CFAP100: variants seen among roughly 807,000 people sequenced by gnomAD.
CFAP100 encodes cilia and flagella associated protein 100, also known as cilia- and flagella-associated protein 100.
CFAP100 carries 70 observed loss-of-function variants against 81.5 expected under a neutral mutation model. That is an observed-to-expected ratio of 0.86 (90% CI 0.71 to 1.05). The LOEUF is 1.05. Among genes scored for constraint, CFAP100 ranks in the 50% least tolerant of loss-of-function variants. The pLI, the probability that CFAP100 is intolerant of heterozygous loss-of-function variation, is 0.00. For synonymous variants in CFAP100, 341 were observed against 314.8 expected (o/e 1.08, Z -0.88); for missense variants, 811 against 776.5 (o/e 1.04, Z -0.53).
At chr3:126,417,088 C>A (rs1359574260) in intron 5 of CFAP100, among the ~76,000 whole-genome samples, 4 of 152,134 alleles carry the variant, frequency 2.6e-5, no homozygotes, top group Non-Finnish European at 4.4e-5. Flanking sequence ...GGCTGCACAG[C>A]GTAGAAGTGG....
chr3:126,413,829 G>A (rs1204316145), intron 3 of CFAP100, among the ~76,000 whole-genome samples: 1 of 152,260 alleles, frequency 6.6e-6, no homozygotes, highest in Admixed American at 6.5e-5. Context: ...AGACGTGTGA[G>A]ACAAGGCTGT....
At chr3:126,430,512 T>G (rs771097318) in intron 13 of CFAP100, among the ~76,000 whole-genome samples, 14 of 152,092 alleles carry the variant, frequency 9.2e-5, no homozygotes, top group Non-Finnish European at 1.8e-4. Context: ...AAATAAAAAA[T>G]ACTTTGCCCT....
At chr3:126,432,780 A>G in intron 13 of CFAP100, 1 of 270,164 alleles carries the variant, frequency 3.7e-6, no homozygotes, top group Non-Finnish European at 7.0e-6. Context: ...TATATAAAAA[A>G]TTACTGACTT....
intron 2 of CFAP100, among the ~76,000 whole-genome samples, chr3:126,400,220 A>G (rs2107582793): frequency 6.6e-6 from 1 of 152,362 alleles, no homozygotes; most frequent in East Asian, 1.9e-4. Context: ...AAGGACTTGA[A>G]TAGATAATTC....
chr3:126,411,361 G>GTTTT (rs58954079), intron 3 of CFAP100, among the ~76,000 whole-genome samples: 2,088 of 35,384 alleles, frequency 0.059, 582 homozygotes, highest in Middle Eastern at 0.11. Flanking sequence ...GTTGTTGTTG[G>GTTTT]TTTTTTTTTT....
chr3:126,400,947 A>G (rs180919610), intron 2 of CFAP100, among the ~76,000 whole-genome samples: 2 of 152,252 alleles, frequency 1.3e-5, no homozygotes, highest in African/African-American at 4.8e-5. Flanking sequence ...GTATCCATCA[A>G]TGGAGGAACA....
intron 2 of CFAP100, among the ~76,000 whole-genome samples, chr3:126,401,798 CA>C (rs2082987981): frequency 6.6e-6 from 1 of 152,086 alleles, no homozygotes; most frequent in South Asian, 2.1e-4. Context: ...ACATCCCTGC[CA>C]AACCCTGGTC....
intron 13 of CFAP100, among the ~76,000 whole-genome samples, chr3:126,427,962 C>A (rs1232242586): frequency 1.3e-5 from 2 of 152,168 alleles, no homozygotes; most frequent in Admixed American, 1.3e-4. Flanking sequence ...ACAACCAGAT[C>A]TCATGAGAAG....
intron 3 of CFAP100, among the ~76,000 whole-genome samples, chr3:126,409,040 C>G (rs745423297): frequency 1.3e-5 from 2 of 152,198 alleles, no homozygotes; most frequent in African/African-American, 4.8e-5. Flanking sequence ...GCTTCAGCCT[C>G]GGCCTCCCAA....
intron 2 of CFAP100, among the ~76,000 whole-genome samples, chr3:126,402,928 G>C (rs1447145898): frequency 6.6e-6 from 1 of 152,052 alleles, no homozygotes; most frequent in African/African-American, 2.4e-5. Context: ...GATGGGTCCA[G>C]TGCTCCTCAG....
chr3:126,431,013 C>A (rs571685966), intron 13 of CFAP100, among the ~76,000 whole-genome samples: 38 of 152,276 alleles, frequency 2.5e-4, no homozygotes, highest in Admixed American at 6.5e-4. Flanking sequence ...GCTATCTGCA[C>A]ATTTGAAGAA....
intron 2 of CFAP100, 139 bp downstream of exon 2, chr3:126,396,188 G>A (rs1026855436): frequency 8.9e-6 from 6 of 671,644 alleles, no homozygotes; most frequent in African/African-American, 1.8e-5. Context: ...TTGAAACAAG[G>A]CATATGGATT....
chr3:126,415,143 C>T (rs1323170509), intron 4 of CFAP100, among the ~76,000 whole-genome samples: 1 of 152,152 alleles, frequency 6.6e-6, no homozygotes, highest in African/African-American at 2.4e-5. Context: ...CCCAGCCTAG[C>T]TCGAGGCCTC....
chr3:126,425,102 T>C (rs2107613344), intron 13 of CFAP100, among the ~76,000 whole-genome samples: 1 of 152,328 alleles, frequency 6.6e-6, no homozygotes, highest in East Asian at 1.9e-4. Context: ...GAAGATGAGC[T>C]GGGGAGAGGT....
intron 7 of CFAP100, 30 bp from the exon 8 acceptor site, chr3:126,419,046 A>ACCCCCCCCCCCCCCC: frequency 5.4e-6 from 1 of 184,500 alleles, no homozygotes; most frequent in South Asian, 5.8e-5. Flanking sequence ...CCTTGCCCCC[A>ACCCCCCCCCCCCCCC]TCCCTCCTCC....
chr3:126,425,696 A>G (rs1315954971), intron 13 of CFAP100, among the ~76,000 whole-genome samples: 1 of 152,230 alleles, frequency 6.6e-6, no homozygotes. Context: ...ATCCAACAGT[A>G]TAGGAAAAGA....
intron 8 of CFAP100, 75 bp from the exon 9 acceptor site, chr3:126,419,562 G>T: frequency 7.3e-7 from 1 of 1,372,980 alleles, no homozygotes; most frequent in East Asian, 2.3e-5. Flanking sequence ...ATGGAGGGGT[G>T]GCCCCGGCAT....
intron 14 of CFAP100, 193 bp from the exon 15 acceptor site, chr3:126,433,983 C>T (rs899784853): frequency 7.0e-6 from 4 of 573,122 alleles, no homozygotes; most frequent in Non-Finnish European, 9.2e-6. Flanking sequence ...CTCCAGGGGG[C>T]CCGGGGGATA....
Position 126,415,674 on chromosome 3 carries a change from C to T in CFAP100, c.226-642C>T, listed in dbSNP as rs559298872. On this transcript the variant is annotated intron_variant, in intron 4 of 16. Transcript: ENST00000352312. ...AGTCTACGTGAAGAGACTCCCGGGG[C>T]CGGTGCAGAAAAGTGGGAGGGGGTG... Among the ~76,000 whole-genome samples, 10 of 152,272 alleles carry T rather than the reference C, an allele frequency of 6.6e-5. No individual in the cohort carries two copies. The South Asian group carries it at 2.1e-3, about 32-fold the overall frequency.
Sources: allele counts gnomAD v4.1 joint callset (sites outside exome capture counted in the v4.1 genomes callset), GRCh38; gene constraint gnomAD v4.1.1; transcripts MANE v1.5; gene names NCBI Gene and HGNC (gene_info 2026-07-23, HGNC 2026-07-21).